Variants in PPARGC1A observed in about 807,000 individuals in gnomAD.
PPARGC1A encodes peroxisome proliferator-activated receptor gamma coactivator 1-alpha.
Under a neutral mutation model 88.7 loss-of-function variants are expected in PPARGC1A, and 25 were observed. The ratio of observed to expected loss-of-function variants is 0.28; its 90% CI spans 0.21 to 0.39. The LOEUF is 0.39. Among genes scored for constraint, PPARGC1A ranks in the 10% least tolerant of loss-of-function variants. The pLI is 1.00. For missense variants in PPARGC1A, 880 were observed against 968.7 expected (o/e 0.91, Z 1.22); for synonymous variants, 363 against 355.6 (o/e 1.02, Z -0.24).
At chr4:24,119,059 GTC>G in the PPARGC1A span, among the ~76,000 whole-genome samples, 2 of 152,310 alleles carry the variant, frequency 1.3e-5, no homozygotes, top group South Asian at 2.1e-4. Flanking sequence ...TTATCAGGCA[GTC>G]ATTGGAGAGG....
chr4:24,007,481 AAGG>A, the PPARGC1A span, among the ~76,000 whole-genome samples: 9 of 152,214 alleles, frequency 5.9e-5, no homozygotes, highest in Admixed American at 5.9e-4. Context: ...CGGTGCTATG[AAGG>A]AGCACAGGGT....
the PPARGC1A span, among the ~76,000 whole-genome samples, chr4:24,128,610 G>A: frequency 1.3e-5 from 2 of 148,832 alleles, no homozygotes; most frequent in Non-Finnish European, 3.0e-5. Flanking sequence ...TGGTATGGAC[G>A]CATATTAAGC....
the PPARGC1A span, among the ~76,000 whole-genome samples, chr4:24,272,455 C>T: frequency 3.3e-5 from 5 of 152,038 alleles, no homozygotes; most frequent in Admixed American, 6.6e-5. Flanking sequence ...ATGTCATACC[C>T]CCCTGACTTA....
the PPARGC1A span, among the ~76,000 whole-genome samples, chr4:24,301,732 T>G: frequency 1.3e-5 from 2 of 152,176 alleles, no homozygotes; most frequent in African/African-American, 2.4e-5. Flanking sequence ...TATCTACATT[T>G]ATGGGGTAGA....
Position 23,813,116 on chromosome 4 carries a change from A to G in PPARGC1A, c.1803T>C (p.Tyr601=), listed in dbSNP as rs1308256956. The stretch of plus-strand genomic sequence containing the variant: ...GTCTGTAGTGGCTTGACTCATAGTA[A>G]TAGCAGGATCTGCGCCAGAGGAGAA... The part of the protein sequence containing the change: ...PGSRSSSRSC[Y]YYESSHYRHR... The change falls in exon 9 of 13, where the codon TAT becomes TAC. Residue 601 remains tyrosine (Y), a synonymous_variant. Coordinates refer to ENST00000264867, the MANE Select transcript of PPARGC1A (RefSeq NM_013261.5). The G allele has an allele frequency of 6.2e-7, 1 of 1,613,914 alleles. No homozygotes were observed. Among genetic ancestry groups the G allele is most frequent in the Non-Finnish European group, 8.5e-7 (1 of 1,179,910 alleles).
At chr4:24,083,111 A>G in the PPARGC1A span, among the ~76,000 whole-genome samples, 2 of 152,152 alleles carry the variant, frequency 1.3e-5, no homozygotes, top group African/African-American at 4.8e-5. Context: ...ACATGACTTG[A>G]GCCTGCTCTA....
chr4:23,808,207 C>T (rs547710785), intron 10 of PPARGC1A, among the ~76,000 whole-genome samples: 8 of 147,414 alleles, frequency 5.4e-5, no homozygotes, highest in South Asian at 2.2e-4. Flanking sequence ...GCCAAGATTG[C>T]GCCACTGCAT....
In PPARGC1A at chr4:23,795,830, G is replaced by A. The variant is rs34129331; in HGVS notation, c.2389C>T (p.Arg797Cys). 5.0e-6 allele frequency: 8 copies of A among 1,609,052 alleles called. No individual in the cohort carries two copies. The highest frequency in any genetic ancestry group is 1.3e-5 in the African/African-American group (1 of 74,396). Residue 797 changes from arginine to cysteine, a missense_variant, in exon 13 of 13, where the codon CGC becomes TGC. Arg to Cys is a radical substitution (Grantham distance 180, BLOSUM62 -3). Transcript: ENST00000264867. Reference protein sequence around the residue: ...SLLKEAQRSLRR With the variant: ...SLLKEAQRSLCR ...CTCAGCTAGGGAACATGTTACCTGC[G>A]CAAGCTTCTCTGAGCTTCTTTCAGT... is the stretch of plus-strand genomic sequence containing the variant.
At chr4:23,816,747 ACTT>A (rs999000892) in intron 7 of PPARGC1A, among the ~76,000 whole-genome samples, 1 of 152,100 alleles carries the variant, frequency 6.6e-6, no homozygotes, top group African/African-American at 2.4e-5. Flanking sequence ...GGTAATTTTT[ACTT>A]CTTTAGTAAT....
chr4:24,017,428 C>T, the PPARGC1A span, among the ~76,000 whole-genome samples: 15 of 151,792 alleles, frequency 9.9e-5, no homozygotes, highest in Non-Finnish European at 1.6e-4. Context: ...GACTCCATGG[C>T]AGGGGAGGGG....
chr4:24,222,088 A>T, the PPARGC1A span, among the ~76,000 whole-genome samples: 1 of 152,206 alleles, frequency 6.6e-6, no homozygotes, highest in Non-Finnish European at 1.5e-5. Flanking sequence ...AGGGCAAAAG[A>T]TATCATCATG....
chr4:24,086,864 C>T, the PPARGC1A span, among the ~76,000 whole-genome samples: 1 of 152,138 alleles, frequency 6.6e-6, no homozygotes, highest in African/African-American at 2.4e-5. Context: ...CTCATAAAGA[C>T]GCTACTATAA....
chr4:24,440,999 G>A, the PPARGC1A span, among the ~76,000 whole-genome samples: 1 of 152,150 alleles, frequency 6.6e-6, no homozygotes, highest in Non-Finnish European at 1.5e-5. Context: ...CCCCAGAAAA[G>A]CATAGGTTTT....
At chr4:24,447,989 C>T in the PPARGC1A span, among the ~76,000 whole-genome samples, 1 of 152,218 alleles carries the variant, frequency 6.6e-6, no homozygotes, top group African/African-American at 2.4e-5. Context: ...CAAGAGTACA[C>T]AGAGCGTGTC....
chr4:23,833,904 C>T (rs1186228203), intron 2 of PPARGC1A, among the ~76,000 whole-genome samples: 2 of 152,206 alleles, frequency 1.3e-5, no homozygotes, highest in Non-Finnish European at 2.9e-5. Flanking sequence ...GTGGCTCATG[C>T]CTGTAATCCT....
rs938921303 is a variant in PPARGC1A, at chr4:23,802,275, A to C, written c.2090T>G (p.Phe697Cys). The C allele has an allele frequency of 3.7e-6, 6 of 1,613,922 alleles. No homozygotes were observed. Among genetic ancestry groups the C allele is most frequent in the Admixed American group, 1.7e-5 (1 of 59,986 alleles). Residue 697 changes from phenylalanine to cysteine, a missense_variant, in exon 11 of 13, where the codon TTT becomes TGT. Phe to Cys is a radical substitution (Grantham distance 205, BLOSUM62 -2). Coordinates refer to ENST00000264867, the MANE Select transcript of PPARGC1A (RefSeq NM_013261.5). ...DTTRTELRDR[F>C]EVFGEIEECT... ...CTCCTCAATTTCACCAAAAACTTCAAAACGGTCCCTCAGTTCTGTCCGTGT... is the reference window on the plus strand; with the variant it reads ...CTCCTCAATTTCACCAAAAACTTCACAACGGTCCCTCAGTTCTGTCCGTGT...
At chr4:24,177,988 C>T in the PPARGC1A span, among the ~76,000 whole-genome samples, 1 of 152,166 alleles carries the variant, frequency 6.6e-6, no homozygotes, top group African/African-American at 2.4e-5. Flanking sequence ...GTCATAAATT[C>T]GTTATCTTAC....
the PPARGC1A span, among the ~76,000 whole-genome samples, chr4:24,383,353 A>G: frequency 1.3e-5 from 2 of 152,212 alleles, no homozygotes; most frequent in East Asian, 3.8e-4. Context: ...CAGCAAGGGA[A>G]AAAAGCTGGA....
the PPARGC1A span, among the ~76,000 whole-genome samples, chr4:24,117,280 T>TA: frequency 6.6e-6 from 1 of 152,166 alleles, no homozygotes; most frequent in Non-Finnish European, 1.5e-5. Context: ...TTTTCTTTGA[T>TA]AAAACAGAGC....
Sources: gnomAD v4.1 joint callset for allele counts (sites outside exome capture counted in the v4.1 genomes callset) on GRCh38, gnomAD v4.1.1 for gene constraint, MANE v1.5 for transcripts, NCBI Gene and HGNC (gene_info 2026-07-23, HGNC 2026-07-21) for gene names.